The following ZFAND3 variants were observed in gnomAD, a reference collection of about 807,000 sequenced individuals.
The protein encoded by ZFAND3 is zinc finger AN1-type containing 3.
In ZFAND3, 10 loss-of-function variants were observed where a neutral mutation model predicts 29.6. The ratio of observed to expected loss-of-function variants is 0.34; its 90% CI spans 0.21 to 0.57. ZFAND3 has a LOEUF of 0.57. Ranked by LOEUF, ZFAND3 falls within the 20% of genes least tolerant of loss-of-function variation. The pLI, the probability that ZFAND3 is intolerant of heterozygous loss-of-function variation, is 0.86. For synonymous variants in ZFAND3, 128 were observed against 112.6 expected, an observed-to-expected ratio of 1.14 and a Z score of -0.87; for missense variants, 230 against 304.5, an observed-to-expected ratio of 0.76 and a Z score of 1.82.
intron 1 of ZFAND3, among the ~76,000 whole-genome samples, chr6:37,865,421 AC>A (rs1404732390): frequency 1.3e-5 from 2 of 152,138 alleles, no homozygotes; most frequent in African/African-American, 2.4e-5. Flanking sequence ...TGGATGCAGA[AC>A]CCACATTAAA....
At chr6:37,902,737 C>CT (rs11448512) in intron 1 of ZFAND3, among the ~76,000 whole-genome samples, 44,975 of 99,660 alleles carry the variant, frequency 0.45, 10,921 homozygotes, top group Non-Finnish European at 0.5. Flanking sequence ...CTTTTACTTA[C>CT]TTTTTTTTTT....
intron 2 of ZFAND3, among the ~76,000 whole-genome samples, chr6:38,051,474 T>C (rs986264470): frequency 6.6e-6 from 1 of 152,222 alleles, no homozygotes; most frequent in African/African-American, 2.4e-5. Flanking sequence ...AGCAGTTACG[T>C]TCATGCCACT....
chr6:37,891,841 A>G (rs7745796), intron 1 of ZFAND3, among the ~76,000 whole-genome samples: 33,095 of 151,668 alleles, frequency 0.22, 4,511 homozygotes, highest in African/African-American at 0.38. Context: ...CGATTCTCCT[A>G]TCTCAGCCTC....
intron 4 of ZFAND3, among the ~76,000 whole-genome samples, chr6:38,083,409 G>A (rs1425716108): frequency 2.0e-5 from 3 of 152,060 alleles, no homozygotes; most frequent in Non-Finnish European, 4.4e-5. Flanking sequence ...GTCTTGGCAT[G>A]TTCTTATCCC....
intron 1 of ZFAND3, among the ~76,000 whole-genome samples, chr6:37,855,177 C>T (rs1228089784): frequency 1.3e-5 from 2 of 148,262 alleles, no homozygotes; most frequent in African/African-American, 2.5e-5. Context: ...CAGAGTCTCA[C>T]TCTGTTGCCC....
chr6:38,053,118 G>A (rs375236100), intron 2 of ZFAND3, among the ~76,000 whole-genome samples: 119 of 152,122 alleles, frequency 7.8e-4, no homozygotes, highest in African/African-American at 2.6e-3. Context: ...CAAGAGCACT[G>A]GAGATGGCTA....
chr6:37,906,604 C>T (rs1458737414), intron 1 of ZFAND3, among the ~76,000 whole-genome samples: 1 of 151,968 alleles, frequency 6.6e-6, no homozygotes, highest in Non-Finnish European at 1.5e-5. Context: ...CTGAGGAAGT[C>T]CAAACTGTTT....
intron 1 of ZFAND3, among the ~76,000 whole-genome samples, chr6:37,905,076 G>T (rs556627839): frequency 1.3e-5 from 2 of 152,226 alleles, no homozygotes; most frequent in African/African-American, 4.8e-5. Context: ...TCTTTGGGTA[G>T]AATCATGTCC....
intron 5 of ZFAND3, among the ~76,000 whole-genome samples, chr6:38,136,661 C>T (rs1765847132): frequency 6.6e-6 from 1 of 152,116 alleles, no homozygotes; most frequent in South Asian, 2.1e-4. Context: ...TCCTGTGGGT[C>T]CAGGAGACAG....
rs1561976801 is a variant in ZFAND3, at chr6:38,041,686, TCC to T, written c.113-19906_113-19905del. Reference sequence around the variant, plus strand: ...CTTCTTCTTCTTCTTCTTCTTCTTCTCCTTCTCCTTCTCCTCCTCCTCCTCCT... The same window carrying T: ...CTTCTTCTTCTTCTTCTTCTTCTTCTTTCTCCTTCTCCTCCTCCTCCTCCT... On this transcript the variant is annotated intron_variant, in intron 2 of 5. Transcript: ENST00000287218. Among the ~76,000 whole-genome samples, 87 of 21,714 alleles carry T rather than the reference TCC, an allele frequency of 4.0e-3. 15 individuals carry two copies. The highest frequency in any genetic ancestry group is 0.015 in the African/African-American group (83 of 5,504). The allele number at this position is 21,714 out of a possible 152,430, so 14.2% of individuals were successfully genotyped here.
chr6:37,953,812 T>C (rs1323718989), intron 2 of ZFAND3, among the ~76,000 whole-genome samples: 1 of 152,208 alleles, frequency 6.6e-6, no homozygotes, highest in Non-Finnish European at 1.5e-5. Flanking sequence ...CTTGTCTATT[T>C]AATAACCGTT....
intron 1 of ZFAND3, among the ~76,000 whole-genome samples, chr6:37,837,207 C>G (rs1010992657): frequency 6.6e-6 from 1 of 152,120 alleles, no homozygotes; most frequent in African/African-American, 2.4e-5. Flanking sequence ...AGGGGACAGA[C>G]TTCTTGGCTG....
intron 2 of ZFAND3, among the ~76,000 whole-genome samples, chr6:37,951,504 G>A (rs1368835572): frequency 6.6e-6 from 1 of 152,074 alleles, no homozygotes; most frequent in Non-Finnish European, 1.5e-5. Flanking sequence ...CTGAGGCAGT[G>A]GGATCAGTTG....
chr6:38,010,753 C>A (rs1235504069), intron 2 of ZFAND3, among the ~76,000 whole-genome samples: 1 of 151,858 alleles, frequency 6.6e-6, no homozygotes, highest in Non-Finnish European at 1.5e-5. Context: ...GCGCCTGCCA[C>A]CATGCCTGGC....
chr6:37,929,446 GGTCATAATGT>G (rs1761551198), intron 1 of ZFAND3, among the ~76,000 whole-genome samples: 1 of 152,130 alleles, frequency 6.6e-6, no homozygotes, highest in African/African-American at 2.4e-5. Flanking sequence ...TAAACAAGAA[GGTCATAATGT>G]GATTAGGATC....
chr6:37,904,057 A>C (rs1765366406), intron 1 of ZFAND3, among the ~76,000 whole-genome samples: 1 of 152,200 alleles, frequency 6.6e-6, no homozygotes, highest in African/African-American at 2.4e-5. Flanking sequence ...TAAACCTTTG[A>C]AAATTGCTTT....
intron 2 of ZFAND3, among the ~76,000 whole-genome samples, chr6:38,035,418 A>T (rs1203637567): frequency 6.6e-6 from 1 of 152,206 alleles, no homozygotes; most frequent in Non-Finnish European, 1.5e-5. Context: ...AGCAACCAAG[A>T]TAATACATAT....
At chr6:38,069,829 A>G (rs984583398) in intron 3 of ZFAND3, among the ~76,000 whole-genome samples, 2 of 152,220 alleles carry the variant, frequency 1.3e-5, no homozygotes, top group African/African-American at 2.4e-5. Context: ...CTGACCTTCC[A>G]TTTGTAGTCA....
chr6:38,064,666 CTT>C lies in ZFAND3; in HGVS notation c.295+2910_295+2911del, dbSNP rs35827782. Among the ~76,000 whole-genome samples the C allele has an allele frequency of 5.4e-3, 625 of 115,906 alleles. 1 individual carries two copies. The highest frequency in any genetic ancestry group is 0.017 in the African/African-American group (509 of 30,776). The allele number at this position is 115,906 out of a possible 152,430, so 76.0% of individuals were successfully genotyped here. ...TTAGGCCACTGTAGACTGCTATGGG[CTT>C]TTTTTTTTTTTTTTTTTTAATATGA... On this transcript the variant is annotated intron_variant, in intron 3 of 5. Transcript: ENST00000287218.
Sources: allele counts gnomAD v4.1 joint callset (sites outside exome capture counted in the v4.1 genomes callset), GRCh38; gene constraint gnomAD v4.1.1; transcripts MANE v1.5; gene names NCBI Gene and HGNC (gene_info 2026-07-23, HGNC 2026-07-21).